The following MMP19 variants were observed in gnomAD, a reference collection of about 807,000 sequenced individuals.
MMP19 encodes matrix metalloproteinase-19.
In MMP19, 47 loss-of-function variants were observed where a neutral mutation model predicts 46.6. The ratio of observed to expected loss-of-function variants is 1.01; its 90% CI spans 0.80 to 1.29. The LOEUF (loss-of-function observed/expected upper bound fraction) is 1.29, where lower values mean the gene tolerates loss of function less well. MMP19 is among the 50% of genes most tolerant of loss of function. MMP19 has a pLI of 0.00. For synonymous variants in MMP19, 222 were observed against 248.5 expected (o/e 0.89, Z 1.00); for missense variants, 589 against 643.5 (o/e 0.92, Z 0.92).
rs765576618 is a variant in MMP19, at chr12:55,842,335, C to A, written c.173+18G>T. On this transcript the variant is annotated intron_variant, in intron 2 of 8. Coordinates refer to ENST00000322569, the MANE Select transcript of MMP19 (RefSeq NM_002429.6). ...TTGAGACCTTAGCCCTAAAGGCATA[C>A]ACCTCATAGCTTCTCACCTCAGAGC... 2 of 1,603,220 alleles carry A rather than the reference C, an allele frequency of 1.2e-6. No individual in the cohort carries two copies. Among genetic ancestry groups the A allele is most frequent in the South Asian group, 2.2e-5 (2 of 90,834 alleles).
chr12:55,838,594 G>C lies in MMP19; in HGVS notation c.895+12C>G, dbSNP rs549579023. 2.5e-6 allele frequency: 4 copies of C among 1,614,178 alleles called. No individual in the cohort carries two copies. In the Admixed American group the frequency reaches 6.7e-5, roughly 27 times the overall value. The stretch of plus-strand genomic sequence containing the variant: ...CACCGCCTGCCAACAGCCTGGAGGG[G>C]AGGGGCCTCACCCAGCATCATGGCA... On this transcript the variant is annotated intron_variant, in intron 6 of 8. Transcript: ENST00000322569.
chr12:55,839,832 C>G (rs531149022), intron 4 of MMP19, 91 bp from the exon 5 acceptor site: 8 of 1,444,548 alleles, frequency 5.5e-6, no homozygotes, highest in Non-Finnish European at 7.4e-6. Context: ...TAATGCATAC[C>G]TTTAAAATTC....
chr12:55,841,837 C>T (rs1442784437), intron 2 of MMP19, among the ~76,000 whole-genome samples: 1 of 151,990 alleles, frequency 6.6e-6, no homozygotes, highest in Non-Finnish European at 1.5e-5. Context: ...CTTCTCCCTT[C>T]CTGAATGGAT....
chr12:55,836,756 C>T lies in MMP19; in HGVS notation c.*280G>A, dbSNP rs904524857. 3.3e-6 allele frequency: 1 copy of T among 298,782 alleles called. No individual in the cohort carries two copies. The highest frequency in any genetic ancestry group is 4.8e-5 in the Admixed American group (1 of 20,758). 18.5% of individuals were successfully genotyped at this position (298,782 alleles called of 1,614,324 possible). A position where few individuals can be genotyped will look rare whatever the true frequency, so the allele number is the denominator to read the frequency against. On this transcript the variant is annotated 3_prime_UTR_variant, in exon 9 of 9. Transcript: ENST00000322569. ...ACACAGTTGGAAGGGCTGTCTAAGA[C>T]AGACAGGAAATGGAGTTGGGGGCCA... is the stretch of plus-strand genomic sequence containing the variant.
chr12:55,842,814 A>C lies in MMP19; in HGVS notation c.17T>G (p.Leu6Arg). Reference protein sequence around the residue: MNCQQLWLGFLLPMTV... With the variant: MNCQQRWLGFLLPMTV... The stretch of plus-strand genomic sequence containing the variant: ...CATGGGGAGTAGGAAGCCCAGCCAC[A>C]GCTGCTGGCAGTTCATGGTCCCACC... Residue 6 changes from leucine (L) to arginine (R), a missense_variant, in exon 1 of 9, where the codon CTG becomes CGG. Coordinates refer to ENST00000322569, the MANE Select transcript of MMP19 (RefSeq NM_002429.6). 6.3e-7 allele frequency: 1 copy of C among 1,599,808 alleles called. No individual in the cohort carries two copies. Among genetic ancestry groups the C allele is most frequent in the Non-Finnish European group, 8.5e-7 (1 of 1,173,738 alleles).
chr12:55,841,293 G>A, intron 2 of MMP19, 57 bp from the exon 3 acceptor site: 1 of 1,579,858 alleles, frequency 6.3e-7, no homozygotes, highest in Non-Finnish European at 8.6e-7. Flanking sequence ...ATGACTGGGA[G>A]ATGATTGCTC....
Position 55,837,956 on chromosome 12 carries a change from G to T in MMP19, c.947C>A (p.Ser316Ter). 6.2e-7 allele frequency: 1 copy of T among 1,611,156 alleles called. No individual in the cohort carries two copies. The highest frequency in any genetic ancestry group is 1.7e-4 in the Middle Eastern group (1 of 6,056). Residue 316 changes from serine to a stop codon, truncating the protein, a stop_gained, in exon 7 of 9, where the codon TCA becomes TAA. Transcript: ENST00000322569. LOFTEE classifies it high-confidence loss of function. ...AFKGDYVWTVSDSGPGPLFRV... is the reference protein window; with the variant it reads ...AFKGDYVWTV ...GAACAAGGGGCCCGGTCCTGAATCT[G>T]ATACAGTCCACACATAGTCCCCCTT...
Position 55,836,085 on chromosome 12 carries a change from T to C in MMP19, c.*951A>G, listed in dbSNP as rs1455555873. 6.6e-6 allele frequency: 1 copy of C among 152,282 alleles called. No homozygotes were observed. Among genetic ancestry groups the C allele is most frequent in the South Asian group, 2.1e-4 (1 of 4,832 alleles). The allele number at this position is 152,282 out of a possible 1,614,324, so 9.4% of individuals were successfully genotyped here. On this transcript the variant is annotated 3_prime_UTR_variant, in exon 9 of 9. Coordinates refer to ENST00000322569, the MANE Select transcript of MMP19 (RefSeq NM_002429.6). ...TTAACCAGAACTTTGTTCCAGCCAC[T>C]GACCCATTCTAACTCTTCCCCCTCT...
At position 55,841,251 on chromosome 12, in the gene MMP19, G is replaced by A. The variant is rs769189619; in HGVS notation, c.174-15C>T. ...CCTGAAAAGCTCTGAAGGAGGGAGA[G>A]GGATGGGTCTACCAGGACAGGAAAA... On this transcript the variant is annotated splice_polypyrimidine_tract_variant and intron_variant, in intron 2 of 8. Transcript: ENST00000322569. 9.9e-6 allele frequency: 16 copies of A among 1,609,402 alleles called. No individual in the cohort carries two copies. The African/African-American group carries it at 1.9e-4, about 19-fold the overall frequency.
rs372897198 is a variant in MMP19, at chr12:55,842,860, G to A, written c.-30C>T. 1.3e-6 allele frequency: 2 copies of A among 1,544,334 alleles called. No homozygotes were observed. The highest frequency in any genetic ancestry group is 1.8e-6 in the Non-Finnish European group (2 of 1,135,830). ...CCACCAGACGAGAGCTCCAGAGGCT[G>A]TCCGTGCCTCTGACCTGAGATTTCT... is the stretch of plus-strand genomic sequence containing the variant. On this transcript the variant is annotated 5_prime_UTR_variant, in exon 1 of 9. Transcript: ENST00000322569.
At position 55,838,084 on chromosome 12, in the gene MMP19, CTA is replaced by C. The variant is rs1881393304; in HGVS notation, c.896-79_896-78del. ...GAAACTTGGGGGTATCTCAGGCTGA[CTA>C]ACAATTTGCCCTCTCCCTGCAGGCT... On this transcript the variant is annotated intron_variant, in intron 6 of 8. Transcript: ENST00000322569. 2.2e-6 allele frequency: 3 copies of C among 1,395,070 alleles called. No homozygotes were observed. The Admixed American group carries it at 7.3e-5, about 34-fold the overall frequency. 86.4% of individuals were successfully genotyped at this position (1,395,070 alleles called of 1,614,324 possible). A position where few individuals can be genotyped will look rare whatever the true frequency, so the allele number is the denominator to read the frequency against.
In MMP19 at chr12:55,839,482, G is replaced by A. The variant is rs750493558; in HGVS notation, c.766+14C>T. The A allele has an allele frequency of 6.3e-7, 1 of 1,596,208 alleles. No individual in the cohort carries two copies. The highest frequency in any genetic ancestry group is 1.1e-5 in the South Asian group (1 of 89,762). On this transcript the variant is annotated intron_variant, in intron 5 of 8. Transcript: ENST00000322569. Reference sequence around the variant, plus strand: ...TCAGACTGACCCTCCCCCTCACTAGGGGGAGGGACTGACCATAGAGAGCCT... The same window carrying A: ...TCAGACTGACCCTCCCCCTCACTAGAGGGAGGGACTGACCATAGAGAGCCT...
intron 5 of MMP19, among the ~76,000 whole-genome samples, chr12:55,839,134 T>C (rs1284341355): frequency 6.7e-6 from 1 of 149,282 alleles, no homozygotes; most frequent in Non-Finnish European, 1.5e-5. Context: ...CCCAGCTACT[T>C]GGGAGGCTGA....
At chr12:55,838,961 C>G (rs1420120438) in intron 5 of MMP19, among the ~76,000 whole-genome samples, 2 of 152,050 alleles carry the variant, frequency 1.3e-5, no homozygotes, top group African/African-American at 2.4e-5. Context: ...GCATTCTTGC[C>G]GGGTGTGGTG....
At position 55,837,872 on chromosome 12, in the gene MMP19, G is replaced by A; in HGVS notation, c.1031C>T (p.Pro344Leu). The A allele has an allele frequency of 6.2e-7, 1 of 1,612,386 alleles. No individual in the cohort carries two copies. The highest frequency in any genetic ancestry group is 1.3e-5 in the African/African-American group (1 of 75,018). ...PGNLDAAVYS[P>L]RTQWIHFFKG... ...AAAGAAGTGAATCCATTGTGTTCGA[G>A]GCGAGTAGACAGCAGCATCCAGGTT... The change falls in exon 7 of 9, where the codon CCT becomes CTT. Residue 344 changes from proline to leucine, a missense_variant. Physicochemically the swap from Pro to Leu is moderately conservative, Grantham distance 98. Transcript: ENST00000322569.
rs1292507745 is a variant in MMP19 at position 55,839,599 on chromosome 12, C to T, written c.663G>A (p.Gly221=). ...AHEVGHALGL[G]HSRYSQALMA... ...TGAGGGCCTGGGAATATCGGGAGTG[C>T]CCAAGCCCCAGAGCATGGCCCACTT... The change falls in exon 5 of 9, where the codon GGG becomes GGA. Residue 221 remains glycine (G), a synonymous_variant. Transcript: ENST00000322569. The T allele has an allele frequency of 3.1e-6, 5 of 1,614,070 alleles. No homozygotes were observed. The highest frequency in any genetic ancestry group is 4.2e-6 in the Non-Finnish European group (5 of 1,180,024).
At chr12:55,841,532 T>TTCCTTCCTTCCC (rs1881699993) in intron 2 of MMP19, 1 of 260,314 alleles carries the variant, frequency 3.8e-6, no homozygotes, top group African/African-American at 2.2e-5. Context: ...CCTTCCTTCC[T>TTCCTTCCTTCCC]TCCTTCCTTC....
In MMP19 at chr12:55,842,848, GCTCCAGAGGCTGTCCGTGC is replaced by G. The variant is rs1463856507; in HGVS notation, c.-37_-19del. On this transcript the variant is annotated 5_prime_UTR_variant, in exon 1 of 9. Transcript: ENST00000322569. ...CAGTTCATGGTCCCACCAGACGAGA[GCTCCAGAGGCTGTCCGTGC>G]CTCTGACCTGAGATTTCTGGGAGCC... 2 of 1,573,822 alleles carry G rather than the reference GCTCCAGAGGCTGTCCGTGC, an allele frequency of 1.3e-6. No individual in the cohort carries two copies.
chr12:55,837,002 GT>G lies in MMP19; in HGVS notation c.*33del. On this transcript the variant is annotated 3_prime_UTR_variant, in exon 9 of 9. Coordinates refer to ENST00000322569, the MANE Select transcript of MMP19 (RefSeq NM_002429.6). ...AAGGGTGGGTGGTGGAGCCTCAGGG[GT>G]TAATGTCCAAGATTGTGTCTGTGGG... 2 of 1,516,788 alleles carry G rather than the reference GT, an allele frequency of 1.3e-6. No homozygotes were observed. Among genetic ancestry groups the G allele is most frequent in the Non-Finnish European group, 1.8e-6 (2 of 1,125,934 alleles). The allele number at this position is 1,516,788 out of a possible 1,614,324, so 94.0% of individuals were successfully genotyped here.
Sources: gnomAD v4.1 joint callset for allele counts (sites outside exome capture counted in the v4.1 genomes callset) on GRCh38, gnomAD v4.1.1 for gene constraint, MANE v1.5 for transcripts, NCBI Gene and HGNC (gene_info 2026-07-23, HGNC 2026-07-21) for gene names.